PAPPA2: variants seen among roughly 807,000 people sequenced by gnomAD.
PAPPA2 encodes pappalysin-2.
A neutral mutation model predicts 176.4 loss-of-function variants in PAPPA2; 86 were observed. The observed-to-expected ratio is 0.49, with a 90% CI of 0.41 to 0.58. The LOEUF (loss-of-function observed/expected upper bound fraction) is 0.58. PAPPA2 is among the 20% of genes least tolerant of loss of function. The pLI is 0.00. For missense variants in PAPPA2, 2,073 were observed against 2,256.9 expected (o/e 0.92, Z 1.65); for synonymous variants, 809 against 852.2 (o/e 0.95, Z 0.88).
At chr1:176,702,791 GA>G in intron 9 of PAPPA2, 56 bp downstream of exon 9, 1 of 1,571,626 alleles carries the variant, frequency 6.4e-7, no homozygotes, top group Non-Finnish European at 8.7e-7. Flanking sequence ...GAGAGAGAGA[GA>G]GAGAGAGAGA....
chr1:176,766,178 TG>T, intron 15 of PAPPA2, among the ~76,000 whole-genome samples: 1 of 152,334 alleles, frequency 6.6e-6, no homozygotes, highest in South Asian at 2.1e-4. Flanking sequence ...AAAGACTGGT[TG>T]TAATCAGCAT....
At chr1:176,528,962 A>C (rs1252341590) in intron 1 of PAPPA2, among the ~76,000 whole-genome samples, 1 of 152,170 alleles carries the variant, frequency 6.6e-6, no homozygotes, top group East Asian at 1.9e-4. Context: ...AGCACCTTGC[A>C]TCCAGTTATT....
At chr1:176,646,103 A>G (rs573131618) in intron 3 of PAPPA2, among the ~76,000 whole-genome samples, 2 of 151,224 alleles carry the variant, frequency 1.3e-5, no homozygotes, top group Admixed American at 6.6e-5. Context: ...ATGTAGTCCC[A>G]TTTGTCTATT....
At chr1:176,788,085 A>G (rs921907024) in intron 17 of PAPPA2, among the ~76,000 whole-genome samples, 1 of 152,176 alleles carries the variant, frequency 6.6e-6, no homozygotes, top group African/African-American at 2.4e-5. Flanking sequence ...AAAGAAAAAA[A>G]AAGATGATTT....
intron 2 of PAPPA2, among the ~76,000 whole-genome samples, chr1:176,586,643 T>G (rs1333129446): frequency 6.6e-6 from 1 of 152,230 alleles, no homozygotes. Flanking sequence ...TATGGCTGCA[T>G]AGTATTCCAT....
intron 17 of PAPPA2, among the ~76,000 whole-genome samples, chr1:176,783,803 T>C (rs545752023): frequency 6.6e-6 from 1 of 152,190 alleles, no homozygotes; most frequent in Non-Finnish European, 1.5e-5. Flanking sequence ...TACACCTTAC[T>C]AGCATGAGAA....
chr1:176,687,565 A>G (rs1573253791), intron 4 of PAPPA2, among the ~76,000 whole-genome samples: 1 of 152,242 alleles, frequency 6.6e-6, no homozygotes, highest in East Asian at 1.9e-4. Context: ...CTTTCTTGGC[A>G]TATGTTGATT....
intron 1 of PAPPA2, among the ~76,000 whole-genome samples, chr1:176,513,354 C>A (rs1260567035): frequency 6.6e-6 from 1 of 151,276 alleles, no homozygotes; most frequent in East Asian, 1.9e-4. Flanking sequence ...TTTATTTTTT[C>A]TTTCATTTTT....
chr1:176,615,403 CG>C (rs1655146253), intron 3 of PAPPA2, among the ~76,000 whole-genome samples: 1 of 152,170 alleles, frequency 6.6e-6, no homozygotes, highest in Non-Finnish European at 1.5e-5. Flanking sequence ...CTCCGCCTCC[CG>C]GGTTCATGCC....
intron 1 of PAPPA2, among the ~76,000 whole-genome samples, chr1:176,490,916 T>C (rs566201121): frequency 6.6e-6 from 1 of 152,334 alleles, no homozygotes; most frequent in African/African-American, 2.4e-5. Context: ...GTCTGAAATA[T>C]GGACTAACTT....
chr1:176,571,501 A>G (rs1325498389), intron 2 of PAPPA2, among the ~76,000 whole-genome samples: 4 of 152,192 alleles, frequency 2.6e-5, no homozygotes, highest in Non-Finnish European at 5.9e-5. Flanking sequence ...GGCTTGGTTA[A>G]TGCCTGTTGC....
chr1:176,766,254 C>T (rs889999839), intron 15 of PAPPA2, among the ~76,000 whole-genome samples: 3 of 152,166 alleles, frequency 2.0e-5, no homozygotes, highest in Admixed American at 6.5e-5. Context: ...AAATAGAACC[C>T]GATTTTCTCC....
chr1:176,472,547 A>C (rs891932057), intron 1 of PAPPA2, among the ~76,000 whole-genome samples: 24 of 152,148 alleles, frequency 1.6e-4, no homozygotes, highest in Non-Finnish European at 3.2e-4. Context: ...GGTTTCTTTT[A>C]ATGGGAAATG....
chr1:176,594,335 A>G (rs748316614), intron 2 of PAPPA2, among the ~76,000 whole-genome samples, 189 bp from the exon 3 acceptor site: 1 of 152,214 alleles, frequency 6.6e-6, no homozygotes, highest in Non-Finnish European at 1.5e-5. Flanking sequence ...CCTTTTGGGG[A>G]TAGGATATGC....
intron 17 of PAPPA2, among the ~76,000 whole-genome samples, chr1:176,787,497 A>G (rs1292691510): frequency 6.6e-6 from 1 of 152,092 alleles, no homozygotes; most frequent in Non-Finnish European, 1.5e-5. Context: ...CAGCTTCTCA[A>G]AGTGCTGGGA....
chr1:176,494,480 C>G (rs1478794508), intron 1 of PAPPA2, among the ~76,000 whole-genome samples: 2 of 152,078 alleles, frequency 1.3e-5, no homozygotes, highest in African/African-American at 4.8e-5. Context: ...TTTTCCTGAC[C>G]CTTGGGGATT....
At chr1:176,539,165 A>G (rs1017974597) in intron 1 of PAPPA2, among the ~76,000 whole-genome samples, 1 of 152,258 alleles carries the variant, frequency 6.6e-6, no homozygotes, top group Admixed American at 6.5e-5. Flanking sequence ...AGTTAGGCAG[A>G]CGAGAATCAT....
chr1:176,628,977 CAATGG>C (rs1218560413), intron 3 of PAPPA2, among the ~76,000 whole-genome samples: 1 of 152,186 alleles, frequency 6.6e-6, no homozygotes, highest in Non-Finnish European at 1.5e-5. Flanking sequence ...CCTTCACCGG[CAATGG>C]AAAAGCAATC....
rs1261875029 is a variant in PAPPA2 at position 176,731,714 on chromosome 1, T to C, written c.3799-7912T>C. 4.7e-5 allele frequency among the ~76,000 whole-genome samples: 7 copies of C among 149,714 alleles called. No individual in the cohort carries two copies. In the East Asian group the frequency reaches 5.8e-4, roughly 12 times the overall value. ...ATATGTGTACATATATGTGTATATA[T>C]ACACACATATATGTGTACATATACA... On this transcript the variant is annotated intron_variant, in intron 12 of 22. Coordinates refer to ENST00000367662, the MANE Select transcript of PAPPA2 (RefSeq NM_020318.3).
Sources: gnomAD v4.1 joint callset for allele counts (sites outside exome capture counted in the v4.1 genomes callset) on GRCh38, gnomAD v4.1.1 for gene constraint, MANE v1.5 for transcripts, NCBI Gene and HGNC (gene_info 2026-07-23, HGNC 2026-07-21) for gene names.